Variants in FAM186A observed in about 807,000 individuals in gnomAD.
The protein encoded by FAM186A is protein FAM186A.
FAM186A carries 163 observed loss-of-function variants against 216.8 expected under a neutral mutation model. That is an observed-to-expected ratio of 0.75 (90% CI 0.66 to 0.86). The LOEUF (loss-of-function observed/expected upper bound fraction) is 0.86, where lower values mean the gene tolerates loss of function less well. Ranked by LOEUF, FAM186A falls within the 40% of genes least tolerant of loss-of-function variation. FAM186A has a pLI of 0.00. For missense variants in FAM186A, 2,184 were observed against 2,746.2 expected, an observed-to-expected ratio of 0.80 and a Z score of 4.58; for synonymous variants, 805 against 1,025.3, an observed-to-expected ratio of 0.79 and a Z score of 4.10.
At position 50,373,895 on chromosome 12, in the gene FAM186A, C is replaced by G. The variant is rs1943172386; in HGVS notation, c.193-10531G>C. The stretch of plus-strand genomic sequence containing the variant: ...TATTCACAATAGCAAAGACTTGGAA[C>G]CAACCCAAATGTCCAACAATGATAG... On this transcript the variant is annotated intron_variant, in intron 1 of 7. Transcript: ENST00000327337. Among the ~76,000 whole-genome samples, 11 of 151,628 alleles carry G rather than the reference C, an allele frequency of 7.3e-5. No homozygotes were observed. In the South Asian group the frequency reaches 2.3e-3, roughly 32 times the overall value.
chr12:50,377,943 G>A (rs541770436), intron 1 of FAM186A, among the ~76,000 whole-genome samples: 12 of 151,920 alleles, frequency 7.9e-5, no homozygotes, highest in Admixed American at 3.3e-4. Flanking sequence ...ATGAAAAGTC[G>A]GCGAGGCGAG....
chr12:50,387,500 A>G (rs1943314902), intron 1 of FAM186A, among the ~76,000 whole-genome samples: 1 of 152,186 alleles, frequency 6.6e-6, no homozygotes, highest in Non-Finnish European at 1.5e-5. Context: ...CAATAAAGAG[A>G]GGGAGATCTT....
intron 2 of FAM186A, 43 bp from the exon 3 acceptor site, chr12:50,360,969 A>T (rs1592617337): frequency 1.4e-6 from 2 of 1,427,810 alleles, no homozygotes; most frequent in East Asian, 5.0e-5. Context: ...GCAGAAAAAT[A>T]AATAACTATA....
intron 1 of FAM186A, among the ~76,000 whole-genome samples, chr12:50,382,583 C>A (rs968498362): frequency 5.3e-5 from 8 of 151,818 alleles, no homozygotes; most frequent in Non-Finnish European, 7.4e-5. Context: ...ACCTGTAATC[C>A]CAGCTACGCA....
At position 50,365,769 on chromosome 12, in the gene FAM186A, C is replaced by G; in HGVS notation, c.193-2405G>C. 3 of 755,134 alleles carry G rather than the reference C, an allele frequency of 4.0e-6. No homozygotes were observed. In the Admixed American group the frequency reaches 5.1e-5, roughly 13 times the overall value. The allele number at this position is 755,134 out of a possible 1,614,324, so 46.8% of individuals were successfully genotyped here. A position where few individuals can be genotyped will look rare whatever the true frequency, so the allele number is the denominator to read the frequency against. On this transcript the variant is annotated intron_variant, in intron 1 of 7. Transcript: ENST00000327337. The stretch of plus-strand genomic sequence containing the variant: ...TTCCCCTCTTTCCGAAGAGCTGAGA[C>G]AGAAGTACAACATGTGATCCGTGCC...
chr12:50,370,931 G>A (rs1399957190), intron 1 of FAM186A, among the ~76,000 whole-genome samples: 1 of 151,356 alleles, frequency 6.6e-6, no homozygotes, highest in African/African-American at 2.4e-5. Flanking sequence ...ACCTCACGTT[G>A]CACTAAAAAA....
In FAM186A at chr12:50,355,718, C is replaced by T; in HGVS notation, c.1114G>A (p.Asp372Asn). Residue 372 changes from aspartate to asparagine, a missense_variant, in exon 4 of 8, where the codon GAC becomes AAC. Around this residue, in one of 7 missense-constraint regions of FAM186A, gnomAD observed 1,132 missense variants for 1,263.4 expected, o/e 0.90. Transcript: ENST00000327337. ...RAIIKVGDTE[D>N]NMDNILDKEL... ...TTGTCTAAAATATTGTCCATATTGTCCTCAGTATCACCAACTTTGATTATC... is the reference window on the plus strand; with the variant it reads ...TTGTCTAAAATATTGTCCATATTGTTCTCAGTATCACCAACTTTGATTATC... 6.4e-7 allele frequency: 1 copy of T among 1,551,612 alleles called. No homozygotes were observed. The highest frequency in any genetic ancestry group is 8.7e-7 in the Non-Finnish European group (1 of 1,146,978).
intron 3 of FAM186A, among the ~76,000 whole-genome samples, chr12:50,357,234 C>G (rs143881210): frequency 6.6e-6 from 1 of 151,926 alleles, no homozygotes; most frequent in Non-Finnish European, 1.5e-5. Flanking sequence ...TTTGGCCAGG[C>G]GCAATGGCTC....
chr12:50,335,856 T>C (rs1942702728), intron 4 of FAM186A, among the ~76,000 whole-genome samples: 1 of 152,096 alleles, frequency 6.6e-6, no homozygotes, highest in Non-Finnish European at 1.5e-5. Flanking sequence ...CCGGGCGCAG[T>C]GGCTCATGCC....
At chr12:50,327,660 G>T (rs1202613747) in intron 7 of FAM186A, among the ~76,000 whole-genome samples, 1 of 150,534 alleles carries the variant, frequency 6.6e-6, no homozygotes, top group East Asian at 2.0e-4. Flanking sequence ...TCCCACCTCA[G>T]CCTCCCAAGT....
chr12:50,388,223 G>A (rs986423620), intron 1 of FAM186A, among the ~76,000 whole-genome samples: 1 of 152,164 alleles, frequency 6.6e-6, no homozygotes, highest in African/African-American at 2.4e-5. Flanking sequence ...GAAGCTAGCT[G>A]TCAATCATTA....
In FAM186A at chr12:50,355,800, C is replaced by T. The variant is rs1942969467; in HGVS notation, c.1032G>A (p.Leu344=). 6.4e-7 allele frequency: 1 copy of T among 1,551,650 alleles called. No individual in the cohort carries two copies. Among genetic ancestry groups the T allele is most frequent in the Non-Finnish European group, 8.7e-7 (1 of 1,146,994 alleles). Residue 344 remains leucine (L), a synonymous_variant, in exon 4 of 8, where the codon TTG becomes TTA. Transcript: ENST00000327337. The part of the protein sequence containing the change: ...KIVIEQLYAK[L]STSSTLKVLP... ...ACACTTTCAAGGTTGATGATGTGGACAATTTTGCATATAGTTGTTCTATAA... is the reference window on the plus strand; with the variant it reads ...ACACTTTCAAGGTTGATGATGTGGATAATTTTGCATATAGTTGTTCTATAA...
At chr12:50,371,267 G>A (rs1943140139) in intron 1 of FAM186A, among the ~76,000 whole-genome samples, 1 of 151,710 alleles carries the variant, frequency 6.6e-6, no homozygotes, top group Admixed American at 6.6e-5. Flanking sequence ...ACAGGCGCCT[G>A]CCTCCATGCC....
At chr12:50,346,708 G>A (rs1028495747) in intron 4 of FAM186A, among the ~76,000 whole-genome samples, 26 of 152,156 alleles carry the variant, frequency 1.7e-4, no homozygotes, top group African/African-American at 4.1e-4. Flanking sequence ...TTAGCCAGGC[G>A]TGGTGGTGGG....
At chr12:50,392,023 T>C (rs527662424) in intron 1 of FAM186A, among the ~76,000 whole-genome samples, 95 of 151,874 alleles carry the variant, frequency 6.3e-4, no homozygotes, top group Non-Finnish European at 1.2e-3. Context: ...AAAATAATTA[T>C]GCTAAGTGAA....
In FAM186A at chr12:50,327,350, G is replaced by C; in HGVS notation, c.*33C>G. 1 of 1,518,540 alleles carries C rather than the reference G, an allele frequency of 6.6e-7. No homozygotes were observed. Among genetic ancestry groups the C allele is most frequent in the Non-Finnish European group, 8.9e-7 (1 of 1,117,632 alleles). The allele number at this position is 1,518,540 out of a possible 1,614,324, so 94.1% of individuals were successfully genotyped here. ...GCATTTTACTGAAAGATACTGAAATGTACTTTCAACATGCTTGTATTTAAT... is the reference window on the plus strand; with the variant it reads ...GCATTTTACTGAAAGATACTGAAATCTACTTTCAACATGCTTGTATTTAAT... On this transcript the variant is annotated 3_prime_UTR_variant, in exon 8 of 8. Transcript: ENST00000327337.
rs1410914248 is a variant in FAM186A at position 50,351,570 on chromosome 12, C to T, written c.5262G>A (p.Gly1754=). ...APTAEKSSIF[G]VSSTPLQISR... ...ATATCTGCAAAGGAGTAGAAGAGAC[C>T]CCGAATATAGAGGACTTCTCAGCAG... Residue 1754 remains glycine, a synonymous_variant, in exon 4 of 8, where the codon GGG becomes GGA. Transcript: ENST00000327337. The T allele has an allele frequency of 2.6e-6, 4 of 1,549,752 alleles. No homozygotes were observed. The East Asian group carries it at 9.8e-5, about 38-fold the overall frequency.
intron 7 of FAM186A, among the ~76,000 whole-genome samples, chr12:50,330,067 GAAT>G (rs1942641627): frequency 6.6e-6 from 1 of 152,102 alleles, no homozygotes; most frequent in African/African-American, 2.4e-5. Flanking sequence ...ATTTCCTCTG[GAAT>G]AATTTCTAGT....
chr12:50,339,490 G>A (rs952936332), intron 4 of FAM186A, among the ~76,000 whole-genome samples: 5 of 152,058 alleles, frequency 3.3e-5, no homozygotes, highest in Non-Finnish European at 5.9e-5. Flanking sequence ...TTAGGTGGAT[G>A]CCACCTAGTC....
Sources: gnomAD v4.1 joint callset for allele counts (sites outside exome capture counted in the v4.1 genomes callset) on GRCh38, gnomAD v4.1.1 for gene constraint, gnomAD v4.1.1 regional missense constraint, MANE v1.5 for transcripts, NCBI Gene and HGNC (gene_info 2026-07-23, HGNC 2026-07-21) for gene names.